PPM1H: variants seen among roughly 807,000 people sequenced by gnomAD.
PPM1H encodes protein phosphatase, Mg2+/Mn2+ dependent 1H, also known as protein phosphatase 1H.
A neutral mutation model predicts 54.9 loss-of-function variants in PPM1H; 27 were observed. The ratio of observed to expected loss-of-function variants is 0.49; its 90% confidence interval spans 0.36 to 0.68. PPM1H has a LOEUF of 0.68. PPM1H is among the 30% of genes least tolerant of loss of function. The pLI, the probability that PPM1H is intolerant of heterozygous loss-of-function variation, is 0.00. For synonymous variants in PPM1H, 305 were observed against 270.8 expected (o/e 1.13, Z -1.24); for missense variants, 596 against 667.8 (o/e 0.89, Z 1.19).
chr12:62,928,534 C>G (rs1872041337), intron 1 of PPM1H, among the ~76,000 whole-genome samples: 1 of 152,190 alleles, frequency 6.6e-6, no homozygotes. Flanking sequence ...CCCACCTACT[C>G]TCTCCCCCTT....
rs531506371 is a variant in PPM1H at position 62,830,300 on chromosome 12, G to GGCTGGAGT, written c.411+1806_411+1813dup. Reference sequence around the variant, plus strand: ...AGACGGAGTCTCGCTCTGTCACCCAGGCTGGAGTGCAGTGGCGTGATCTCA... The same window carrying GGCTGGAGT: ...AGACGGAGTCTCGCTCTGTCACCCAGGCTGGAGTGCTGGAGTGCAGTGGCGTGATCTCA... On this transcript the variant is annotated intron_variant, in intron 2 of 9. Transcript: ENST00000228705. Among the ~76,000 whole-genome samples, 1,341 of 152,194 alleles carry GGCTGGAGT rather than the reference G, an allele frequency of 8.8e-3. 13 individuals are homozygous for GGCTGGAGT. The highest frequency in any genetic ancestry group is 0.03 in the African/African-American group (1,262 of 41,504).
chr12:62,912,763 A>G (rs1227848308), intron 1 of PPM1H, among the ~76,000 whole-genome samples: 6 of 152,246 alleles, frequency 3.9e-5, no homozygotes, highest in Non-Finnish European at 8.8e-5. Flanking sequence ...ATACTCCCAG[A>G]GTACCTACAA....
intron 8 of PPM1H, among the ~76,000 whole-genome samples, chr12:62,683,037 TTATTATTATTATTA>T (rs1304573330): frequency 1.8e-3 from 44 of 24,998 alleles, no homozygotes; most frequent in Non-Finnish European, 2.2e-3. Flanking sequence ...TTATTATTTA[TTATTATTATTATTA>T]TTATTATTAT....
At chr12:62,775,643 C>A (rs2076606028) in intron 4 of PPM1H, among the ~76,000 whole-genome samples, 1 of 151,964 alleles carries the variant, frequency 6.6e-6, no homozygotes, top group South Asian at 2.1e-4. Context: ...ACACACACAC[C>A]CTCTTGGTTA....
chr12:62,908,407 C>CAA (rs751766456), intron 1 of PPM1H, among the ~76,000 whole-genome samples: 1,695 of 96,808 alleles, frequency 0.018, 69 homozygotes, highest in African/African-American at 0.063. Flanking sequence ...GACTCCGTCT[C>CAA]AAAAAAAAAA....
chr12:62,722,795 G>A (rs573371499), intron 5 of PPM1H, among the ~76,000 whole-genome samples: 50 of 152,242 alleles, frequency 3.3e-4, no homozygotes, highest in African/African-American at 1.2e-3. Flanking sequence ...ACACTACAGA[G>A]AATATGCAAT....
intron 2 of PPM1H, among the ~76,000 whole-genome samples, chr12:62,818,378 C>CA (rs2120802786): frequency 6.6e-6 from 1 of 152,064 alleles, no homozygotes; most frequent in Non-Finnish European, 1.5e-5. Flanking sequence ...TATAACCTTC[C>CA]AAGTCAAAGG....
chr12:62,700,081 C>G (rs183646472), intron 6 of PPM1H, among the ~76,000 whole-genome samples: 12 of 152,304 alleles, frequency 7.9e-5, no homozygotes, highest in Admixed American at 2.6e-4. Flanking sequence ...ACCCACCAGC[C>G]TTTCAGGACA....
At chr12:62,732,947 C>G (rs1565772113) in intron 5 of PPM1H, among the ~76,000 whole-genome samples, 2 of 152,090 alleles carry the variant, frequency 1.3e-5, no homozygotes, top group African/African-American at 4.8e-5. Context: ...TATCATTGTA[C>G]TAAACTATTT....
chr12:62,849,236 T>TTTA lies in PPM1H; in HGVS notation c.246-16958_246-16957insTAA, dbSNP rs1321123024. On this transcript the variant is annotated intron_variant, in intron 1 of 9. Coordinates refer to ENST00000228705, the MANE Select transcript of PPM1H (RefSeq NM_020700.2). Reference sequence around the variant, plus strand: ...ACAACTCTTTTTATATCAAAGATAATGATACACTATCTAAATTATCAATTA... The same window carrying TTTA: ...ACAACTCTTTTTATATCAAAGATAATTTAGATACACTATCTAAATTATCAATTA... 2.0e-5 allele frequency among the ~76,000 whole-genome samples: 3 copies of TTTA among 152,162 alleles called. No homozygotes were observed. In the East Asian group the frequency reaches 5.8e-4, roughly 29 times the overall value.
intron 1 of PPM1H, among the ~76,000 whole-genome samples, chr12:62,927,636 T>G (rs1872012749): frequency 6.8e-6 from 1 of 146,030 alleles, no homozygotes; most frequent in South Asian, 2.1e-4. Flanking sequence ...CACTCCAGCC[T>G]GGGCAACAAG....
intron 5 of PPM1H, among the ~76,000 whole-genome samples, chr12:62,730,395 A>C (rs150213650): frequency 6.6e-6 from 1 of 152,314 alleles, no homozygotes. Flanking sequence ...CTTCAGGGAG[A>C]CTGCCAAACT....
At chr12:62,658,817 A>C in intron 9 of PPM1H, 1 of 515,968 alleles carries the variant, frequency 1.9e-6, no homozygotes, top group Non-Finnish European at 3.6e-6. Context: ...CCTCCTTGGC[A>C]TCAGGGCCAA....
intron 1 of PPM1H, among the ~76,000 whole-genome samples, chr12:62,858,209 C>A (rs1869464418): frequency 6.6e-6 from 1 of 151,982 alleles, no homozygotes; most frequent in African/African-American, 2.4e-5. Context: ...AATCAGGTAT[C>A]TTTCTACCCT....
At chr12:62,657,705 GAAAGGTTTCATA>G (rs1238745863) in intron 9 of PPM1H, among the ~76,000 whole-genome samples, 1 of 152,182 alleles carries the variant, frequency 6.6e-6, no homozygotes, top group East Asian at 1.9e-4. Flanking sequence ...CTAACTCATG[GAAAGGTTTCATA>G]AAAAGAACCT....
intron 1 of PPM1H, among the ~76,000 whole-genome samples, chr12:62,917,849 A>AC (rs969919292): frequency 6.6e-6 from 1 of 152,144 alleles, no homozygotes; most frequent in African/African-American, 2.4e-5. Context: ...AGTTTCCACT[A>AC]CACCATACTT....
intron 4 of PPM1H, among the ~76,000 whole-genome samples, chr12:62,760,332 A>G (rs1482107480): frequency 6.6e-6 from 1 of 152,004 alleles, no homozygotes; most frequent in Non-Finnish European, 1.5e-5. Flanking sequence ...CTGTCCCTTC[A>G]GTCCCAACCC....
rs549563479 is a variant in PPM1H, at chr12:62,890,380, C to A, written c.245+44112G>T. ...GGCCGAAGTGGGAGGAACGCTTGAGCCTGGAAGGTCAAGACTGCAGTGAAC... is the reference window on the plus strand; with the variant it reads ...GGCCGAAGTGGGAGGAACGCTTGAGACTGGAAGGTCAAGACTGCAGTGAAC... On this transcript the variant is annotated intron_variant, in intron 1 of 9. Transcript: ENST00000228705. 2.0e-5 allele frequency among the ~76,000 whole-genome samples: 3 copies of A among 152,220 alleles called. No individual in the cohort carries two copies. The South Asian group carries it at 6.2e-4, about 32-fold the overall frequency.
At chr12:62,904,269 C>T (rs1871244457) in intron 1 of PPM1H, among the ~76,000 whole-genome samples, 1 of 151,848 alleles carries the variant, frequency 6.6e-6, no homozygotes, top group African/African-American at 2.4e-5. Context: ...GAAAGAGTCT[C>T]ACTCTGTTGC....
Sources: allele counts gnomAD v4.1 joint callset (sites outside exome capture counted in the v4.1 genomes callset), GRCh38; gene constraint gnomAD v4.1.1; transcripts MANE v1.5; gene names NCBI Gene and HGNC (gene_info 2026-07-23, HGNC 2026-07-21).